HES7: variants seen among roughly 807,000 people sequenced by gnomAD.
The protein encoded by HES7 is hes family bHLH transcription factor 7.
A neutral mutation model predicts 18.0 loss-of-function variants in HES7; 8 were observed. That is an observed-to-expected ratio of 0.45 (90% CI 0.26 to 0.80). HES7 has a LOEUF of 0.80. Ranked by LOEUF, HES7 falls within the 30% of genes least tolerant of loss-of-function variation. The probability of loss-of-function intolerance (pLI) is 0.18; values close to 1 mark genes in which losing one functional copy is unlikely to be tolerated. For missense variants in HES7, 356 were observed against 340.9 expected, an observed-to-expected ratio of 1.04 and a Z score of -0.35; for synonymous variants, 170 against 158.6, an observed-to-expected ratio of 1.07 and a Z score of -0.54.
At chr17:8,124,167 C>G, upstream of HES7, 1 of 1,529,534 alleles carries the variant, frequency 6.5e-7, no homozygotes, top group Non-Finnish European at 9.0e-7. Context: ...AGGGATAGGA[C>G]CCGACCCCGC....
upstream of HES7, among the ~76,000 whole-genome samples, chr17:8,125,976 C>T (rs1374626900): frequency 6.6e-6 from 1 of 152,232 alleles, no homozygotes; most frequent in Non-Finnish European, 1.5e-5. Context: ...CGCACGCCCT[C>T]GCACTCCCCT....
At chr17:8,124,533 G>A (rs771230960), upstream of HES7, among the ~76,000 whole-genome samples, 2 of 152,202 alleles carry the variant, frequency 1.3e-5, no homozygotes, top group Non-Finnish European at 2.9e-5. Context: ...TCCTAGTCGA[G>A]ACAGGGAGCA....
Position 8,120,668 on chromosome 17 carries a change from G to A in HES7, c.*903C>T, listed in dbSNP as rs1048478841. The A allele has an allele frequency of 2.6e-5, 4 of 152,482 alleles. No individual in the cohort carries two copies. Among genetic ancestry groups the A allele is most frequent in the African/African-American group, 9.7e-5 (4 of 41,440 alleles). The allele number at this position is 152,482 out of a possible 1,614,324, so 9.4% of individuals were successfully genotyped here. A position where few individuals can be genotyped will look rare whatever the true frequency, so the allele number is the denominator to read the frequency against. Reference sequence around the variant, plus strand: ...CGCCTGAGCCGGAAACACCCCCCAAGCGGGCAGCCGGAGCTCTGCACTCGC... The same window carrying A: ...CGCCTGAGCCGGAAACACCCCCCAAACGGGCAGCCGGAGCTCTGCACTCGC... On this transcript the variant is annotated 3_prime_UTR_variant, in exon 4 of 4. Coordinates refer to ENST00000541682, the MANE Select transcript of HES7 (RefSeq NM_001165967.2).
At position 8,123,018 on chromosome 17, in the gene HES7, C is replaced by T; in HGVS notation, c.138+13G>A. ...GGGAAGCTTGGGGACCTAGGGCTAG[C>T]GGAGGGACTGACCTGGTCCCGGGTC... On this transcript the variant is annotated intron_variant, in intron 2 of 3. Coordinates refer to ENST00000541682, the MANE Select transcript of HES7 (RefSeq NM_001165967.2). The surrounding 1 kb of genome is among the most constrained non-coding windows in gnomAD (Gnocchi z 5.9). 6.3e-7 allele frequency: 1 copy of T among 1,583,310 alleles called. No individual in the cohort carries two copies. The highest frequency in any genetic ancestry group is 8.6e-7 in the Non-Finnish European group (1 of 1,162,816).
Position 8,123,425 on chromosome 17 carries a change from CTT to C in HES7, c.43-301_43-300del, listed in dbSNP as rs1981465857. On this transcript the variant is annotated intron_variant, in intron 1 of 3. Transcript: ENST00000541682. The surrounding 1 kb of genome is among the most constrained non-coding windows in gnomAD (Gnocchi z 5.9). ...TACGTCTCCGTCTGGTGCAGTTTCT[CTT>C]TGTCTCAGTGGAGAACTTTGGGGAC... 5.9e-6 allele frequency: 3 copies of C among 508,472 alleles called. No homozygotes were observed. The highest frequency in any genetic ancestry group is 7.1e-6 in the Non-Finnish European group (2 of 279,788). The allele number at this position is 508,472 out of a possible 1,614,324, so 31.5% of individuals were successfully genotyped here.
chr17:8,121,024 A>AT lies in HES7; in HGVS notation c.*546dup, dbSNP rs1213826163. On this transcript the variant is annotated 3_prime_UTR_variant, in exon 4 of 4. Coordinates refer to ENST00000541682, the MANE Select transcript of HES7 (RefSeq NM_001165967.2). Reference sequence around the variant, plus strand: ...TCCCACCAGAGTCGATTTTATTTCAATTTTTCCTTTTTATCCGTTTTTTTC... The same window carrying AT: ...TCCCACCAGAGTCGATTTTATTTCAATTTTTTCCTTTTTATCCGTTTTTTTC... The AT allele has an allele frequency of 6.6e-6, 1 of 152,334 alleles. No individual in the cohort carries two copies. Among genetic ancestry groups the AT allele is most frequent in the African/African-American group, 2.4e-5 (1 of 41,296 alleles). The allele number at this position is 152,334 out of a possible 1,614,324, so 9.4% of individuals were successfully genotyped here.
chr17:8,122,424 G>A lies in HES7; in HGVS notation c.145C>T (p.Arg49Trp). 6.3e-7 allele frequency: 1 copy of A among 1,582,374 alleles called. No individual in the cohort carries two copies. The highest frequency in any genetic ancestry group is 1.2e-5 in the South Asian group (1 of 86,514). The part of the protein sequence containing the change: ...LLERTRDQNL[R>W]NPKLEKAEIL... ...TCCGCTTTCTCCAGCTTCGGGTTCC[G>A]GAGGTTCTACAGACGGGAGGGGAGG... is the stretch of plus-strand genomic sequence containing the variant. Residue 49 changes from arginine (R) to tryptophan (W), a missense_variant, in exon 3 of 4, where the codon CGG becomes TGG. By Grantham distance (101) the Arg-to-Trp change is moderately radical. Coordinates refer to ENST00000541682, the MANE Select transcript of HES7 (RefSeq NM_001165967.2). This position sits in a 1 kb window ranked among gnomAD's most constrained non-coding sequence, Gnocchi z 6.9.
At chr17:8,124,175 CG>C, upstream of HES7, 1 of 1,500,698 alleles carries the variant, frequency 6.7e-7, no homozygotes, top group Non-Finnish European at 9.2e-7. Flanking sequence ...GACCCGACCC[CG>C]CCCCCTTCGA....
chr17:8,121,612 G>T lies in HES7; in HGVS notation c.652C>A (p.Pro218Thr). The T allele has an allele frequency of 7.6e-7, 1 of 1,312,410 alleles. No individual in the cohort carries two copies. Among genetic ancestry groups the T allele is most frequent in the South Asian group, 2.3e-5 (1 of 43,128 alleles). The allele number at this position is 1,312,410 out of a possible 1,614,324, so 81.3% of individuals were successfully genotyped here. Residue 218 changes from proline to threonine, a missense_variant, in exon 4 of 4, where the codon CCG becomes ACG. Transcript: ENST00000541682. ...CAGAAAGCGGGCGGCGGGGGCAGCG[G>T]GGCCTTGGGCGCCCCGTCTTGTCTG... ...PHRQDGAPKA[P>T]LPPPPAFWRP...
In HES7 at chr17:8,123,036, C is replaced by T; in HGVS notation, c.133G>A (p.Asp45Asn). Residue 45 changes from aspartate to asparagine, a missense_variant, in exon 2 of 4, where the codon GAC becomes AAC. By Grantham distance (23) the Asp-to-Asn change is conservative. Transcript: ENST00000541682. The surrounding 1 kb of genome is among the most constrained non-coding windows in gnomAD (Gnocchi z 5.9). ...GGGCTAGCGGAGGGACTGACCTGGT[C>T]CCGGGTCCGCTCCAGCAGCAGCAGC... The part of the protein sequence containing the change: ...LRLLLLERTR[D>N]QNLRNPKLEK... 1.3e-6 allele frequency: 2 copies of T among 1,596,888 alleles called. No individual in the cohort carries two copies. The highest frequency in any genetic ancestry group is 1.3e-5 in the African/African-American group (1 of 74,658).
chr17:8,121,949 C>G lies in HES7; in HGVS notation c.315G>C (p.Leu105=). Reference sequence around the variant, plus strand: ...CGTGCGCGAAGGCCGCCAAGCGAAGCAGGCACTCGCGGAAACCGGACAAGT... The same window carrying G: ...CGTGCGCGAAGGCCGCCAAGCGAAGGAGGCACTCGCGGAAACCGGACAAGT... The part of the protein sequence containing the change: ...SCYLSGFREC[L]LRLAAFAHDA... Residue 105 remains leucine, a synonymous_variant, in exon 4 of 4, where the codon CTG becomes CTC. Coordinates refer to ENST00000541682, the MANE Select transcript of HES7 (RefSeq NM_001165967.2). The G allele has an allele frequency of 6.4e-7, 1 of 1,557,994 alleles. No individual in the cohort carries two copies. The highest frequency in any genetic ancestry group is 8.6e-7 in the Non-Finnish European group (1 of 1,162,508).
rs1981345196 is a variant in HES7 at position 8,121,786 on chromosome 17, C to T, written c.478G>A (p.Gly160Ser). The T allele has an allele frequency of 4.5e-6, 7 of 1,551,722 alleles. No homozygotes were observed. Among genetic ancestry groups the T allele is most frequent in the Non-Finnish European group, 6.0e-6 (7 of 1,161,024 alleles). The change falls in exon 4 of 4, where the codon GGC becomes AGC. Residue 160 changes from glycine to serine, a missense_variant. Coordinates refer to ENST00000541682, the MANE Select transcript of HES7 (RefSeq NM_001165967.2). ...PSLDPAAPAL[G>S]PALHQRPPVH... ...GGGGGGCGCTGGTGCAGCGCAGGGC[C>T]AAGGGCCGGTGCGGCGGGGTCCAGG...
At position 8,121,750 on chromosome 17, in the gene HES7, CCTGGTGCACTGGGGGGCG is replaced by C; in HGVS notation, c.496_513del (p.Arg166_Gln171del). The C allele has an allele frequency of 6.8e-7, 1 of 1,480,530 alleles. No individual in the cohort carries two copies. The highest frequency in any genetic ancestry group is 2.7e-5 in the East Asian group (1 of 36,974). 91.7% of individuals were successfully genotyped at this position (1,480,530 alleles called of 1,614,324 possible). Reference sequence around the variant, plus strand: ...CATGCGCAGCGCGGGCTAGGGTGGCCCTGGTGCACTGGGGGGCGCTGGTGCAGCGCAGGGCCAAGGGCC... The same window carrying C: ...CATGCGCAGCGCGGGCTAGGGTGGCCCTGGTGCAGCGCAGGGCCAAGGGCC... On this transcript the variant is annotated inframe_deletion, in exon 4 of 4. Coordinates refer to ENST00000541682, the MANE Select transcript of HES7 (RefSeq NM_001165967.2).
Position 8,122,199 on chromosome 17 carries a change from C to A in HES7, c.226+144G>T, listed in dbSNP as rs528743663. ...TGAGGGAGACACAGAGACAGACACG[C>A]GCGGGTGTTATTAACCTCGCCTCGG... On this transcript the variant is annotated intron_variant, in intron 3 of 3. Transcript: ENST00000541682. This position sits in a 1 kb window ranked among gnomAD's most constrained non-coding sequence, Gnocchi z 6.9. 8.9e-6 allele frequency: 8 copies of A among 899,052 alleles called. No individual in the cohort carries two copies. Among genetic ancestry groups the A allele is most frequent in the South Asian group, 4.9e-5 (3 of 61,090 alleles). 55.7% of individuals were successfully genotyped at this position (899,052 alleles called of 1,614,324 possible).
rs991455005 is a variant in HES7 at position 8,122,683 on chromosome 17, G to A, written c.139-253C>T. Reference sequence around the variant, plus strand: ...ACGCGTGAGGAGGAGATTTGAAACCGCAACCCAGGGAATGAAATTAACCAC... The same window carrying A: ...ACGCGTGAGGAGGAGATTTGAAACCACAACCCAGGGAATGAAATTAACCAC... On this transcript the variant is annotated intron_variant, in intron 2 of 3. Coordinates refer to ENST00000541682, the MANE Select transcript of HES7 (RefSeq NM_001165967.2). The surrounding 1 kb of genome is among the most constrained non-coding windows in gnomAD (Gnocchi z 6.9). 3.9e-5 allele frequency among the ~76,000 whole-genome samples: 6 copies of A among 152,222 alleles called. No homozygotes were observed. The highest frequency in any genetic ancestry group is 8.8e-5 in the Non-Finnish European group (6 of 68,016).
upstream of HES7, among the ~76,000 whole-genome samples, chr17:8,126,599 G>A (rs1321512260): frequency 6.6e-6 from 1 of 152,158 alleles, no homozygotes; most frequent in Non-Finnish European, 1.5e-5. Flanking sequence ...GCGGGTGGGC[G>A]CACAGCCACC....
chr17:8,124,004 A>T (rs1196934999), intron 1 of HES7, 39 bp downstream of exon 1: 1 of 1,611,942 alleles, frequency 6.2e-7, no homozygotes, highest in Admixed American at 1.7e-5. Context: ...TCCCCTAGCC[A>T]AACCAGGGAC....
upstream of HES7, among the ~76,000 whole-genome samples, chr17:8,125,733 A>G (rs540375930): frequency 3.9e-5 from 6 of 152,258 alleles, no homozygotes; most frequent in Admixed American, 6.5e-5. Flanking sequence ...TCCCCGCAGA[A>G]TCTTTAAGCC....
In HES7 at chr17:8,122,578, C is replaced by T; in HGVS notation, c.139-148G>A. On this transcript the variant is annotated intron_variant, in intron 2 of 3. Transcript: ENST00000541682. The surrounding 1 kb of genome is among the most constrained non-coding windows in gnomAD (Gnocchi z 6.9). ...TGCCCACAGAACGCGCGACCAAATG[C>T]GGAGTGGAGATGACCAAGGAAAGTC... The T allele has an allele frequency of 4.5e-6, 3 of 667,516 alleles. No individual in the cohort carries two copies. Among genetic ancestry groups the T allele is most frequent in the Non-Finnish European group, 8.2e-6 (3 of 366,308 alleles). 41.3% of individuals were successfully genotyped at this position (667,516 alleles called of 1,614,324 possible).
Sources: allele counts gnomAD v4.1 joint callset (sites outside exome capture counted in the v4.1 genomes callset), GRCh38; gene constraint gnomAD v4.1.1; non-coding constraint Gnocchi (gnomAD v3.1); transcripts MANE v1.5; gene names NCBI Gene and HGNC (gene_info 2026-07-23, HGNC 2026-07-21).